Variants in SUCO observed in about 807,000 individuals in gnomAD.
The protein encoded by SUCO is SUN domain containing ossification factor, also known as SUN domain-containing ossification factor.
In SUCO, 57 loss-of-function variants were observed where a neutral mutation model predicts 148.1. The observed-to-expected ratio is 0.38, with a 90% CI of 0.31 to 0.48. SUCO has a LOEUF of 0.48. Ranked by LOEUF, SUCO falls within the 20% of genes least tolerant of loss-of-function variation. The pLI, the probability that SUCO is intolerant of heterozygous loss-of-function variation, is 0.96. For synonymous variants in SUCO, 470 were observed against 502.7 expected, an observed-to-expected ratio of 0.93 and a Z score of 0.87; for missense variants, 1,331 against 1,468.2, an observed-to-expected ratio of 0.91 and a Z score of 1.53.
At position 172,553,186 on chromosome 1, in the gene SUCO, C is replaced by A. The variant is rs1653436795; in HGVS notation, c.178-74C>A. 6 of 1,384,190 alleles carry A rather than the reference C, an allele frequency of 4.3e-6. No homozygotes were observed. In the African/African-American group the frequency reaches 4.4e-5, roughly 10 times the overall value. The allele number at this position is 1,384,190 out of a possible 1,614,324, so 85.7% of individuals were successfully genotyped here. On this transcript the variant is annotated intron_variant, in intron 2 of 23. Coordinates refer to ENST00000263688, the MANE Select transcript of SUCO (RefSeq NM_014283.5). ...TTTGGTTTTAAAGTATGGAAAAAAA[C>A]CATCTTCGTATTGCTTTATAACTGT...
intron 2 of SUCO, 84 bp from the exon 3 acceptor site, chr1:172,553,176 T>C: frequency 7.3e-7 from 1 of 1,375,114 alleles, no homozygotes. Flanking sequence ...TTTTAAAGTA[T>C]GGAAAAAAAC....
chr1:172,537,281 GAAA>G (rs897836786), intron 1 of SUCO, among the ~76,000 whole-genome samples: 1 of 151,870 alleles, frequency 6.6e-6, no homozygotes, highest in African/African-American at 2.4e-5. Context: ...AGAAAAATGA[GAAA>G]AAAATAATAA....
chr1:172,552,659 A>G, intron 2 of SUCO: 1 of 977,310 alleles, frequency 1.0e-6, no homozygotes, highest in Non-Finnish European at 1.2e-6. Context: ...CTCAAAAAAA[A>G]CTATAATTTT....
intron 1 of SUCO, among the ~76,000 whole-genome samples, chr1:172,535,159 A>G (rs919031500): frequency 3.9e-5 from 6 of 152,204 alleles, no homozygotes; most frequent in African/African-American, 1.4e-4. Flanking sequence ...TTTCCCTGTT[A>G]GGGAACAAAT....
upstream of SUCO, chr1:172,532,626 A>T (rs377079696): frequency 6.2e-7 from 1 of 1,614,052 alleles, no homozygotes; most frequent in African/African-American, 1.3e-5. Context: ...AAAAGAGGAA[A>T]ACAGTGCAAC....
At chr1:172,569,811 C>G (rs886771510) in intron 7 of SUCO, among the ~76,000 whole-genome samples, 1 of 152,050 alleles carries the variant, frequency 6.6e-6, no homozygotes, top group Non-Finnish European at 1.5e-5. Context: ...AGTTATGTTA[C>G]TTAGACATAA....
intron 6 of SUCO, among the ~76,000 whole-genome samples, chr1:172,561,793 C>T (rs1447097350): frequency 6.6e-6 from 1 of 152,192 alleles, no homozygotes; most frequent in Non-Finnish European, 1.5e-5. Context: ...CACAGGGTTC[C>T]CACCAAGGGA....
chr1:172,563,126 C>T (rs1361577594), intron 6 of SUCO, among the ~76,000 whole-genome samples: 1 of 152,170 alleles, frequency 6.6e-6, no homozygotes, highest in South Asian at 2.1e-4. Flanking sequence ...CTTCGTAAAA[C>T]ACCTAGTCTC....
chr1:172,552,651 C>CA (rs1242012260), intron 2 of SUCO: 49 of 976,042 alleles, frequency 5.0e-5, no homozygotes, highest in South Asian at 1.9e-4. Flanking sequence ...CCGCATATCT[C>CA]AAAAAAAACT....
chr1:172,603,777 C>T (rs922690275), intron 22 of SUCO, among the ~76,000 whole-genome samples: 1 of 152,012 alleles, frequency 6.6e-6, no homozygotes, highest in African/African-American at 2.4e-5. Flanking sequence ...CCCATCCTTT[C>T]CCAGAGTAGC....
chr1:172,568,700 C>T (rs906466390), intron 6 of SUCO, among the ~76,000 whole-genome samples: 1 of 152,060 alleles, frequency 6.6e-6, no homozygotes, highest in African/African-American at 2.4e-5. Context: ...GGCAAGTATA[C>T]AATTTATTCA....
intron 1 of SUCO, among the ~76,000 whole-genome samples, chr1:172,535,324 A>G (rs577844113): frequency 4.9e-4 from 74 of 152,376 alleles, no homozygotes; most frequent in African/African-American, 1.7e-3. Flanking sequence ...AGATTTGTTT[A>G]GACTGCCAAA....
At chr1:172,590,342 T>C in intron 18 of SUCO, 2 of 985,242 alleles carry the variant, frequency 2.0e-6, no homozygotes, top group Non-Finnish European at 2.4e-6. Context: ...AAGACAGAGA[T>C]GGACTGAACT....
intron 19 of SUCO, among the ~76,000 whole-genome samples, chr1:172,596,553 C>G (rs1657112568): frequency 1.3e-5 from 2 of 152,204 alleles, no homozygotes; most frequent in Non-Finnish European, 2.9e-5. Flanking sequence ...GAGGTCCACT[C>G]CAAACCCTGT....
At chr1:172,606,043 A>G (rs185797484) in intron 22 of SUCO, among the ~76,000 whole-genome samples, 1 of 151,592 alleles carries the variant, frequency 6.6e-6, no homozygotes, top group African/African-American at 2.4e-5. Flanking sequence ...TAATGTTACA[A>G]ACATGAATTA....
At chr1:172,571,433 C>G (rs1311726509) in intron 9 of SUCO, among the ~76,000 whole-genome samples, 2 of 152,042 alleles carry the variant, frequency 1.3e-5, no homozygotes, top group African/African-American at 2.4e-5. Flanking sequence ...CAGCCGCCTG[C>G]CTTGGCCTCC....
At chr1:172,606,772 A>G (rs1657893030) in intron 22 of SUCO, among the ~76,000 whole-genome samples, 1 of 151,780 alleles carries the variant, frequency 6.6e-6, no homozygotes, top group African/African-American at 2.4e-5. Context: ...ATTCTCAACC[A>G]TTATTTTTTC....
At chr1:172,607,472 G>A (rs1327990881) in intron 22 of SUCO, among the ~76,000 whole-genome samples, 2 of 151,564 alleles carry the variant, frequency 1.3e-5, no homozygotes, top group Non-Finnish European at 2.9e-5. Context: ...CTTTGGGTGG[G>A]CCCTAGGACC....
intron 1 of SUCO, among the ~76,000 whole-genome samples, chr1:172,545,604 C>T (rs1486538810): frequency 6.6e-6 from 1 of 152,054 alleles, no homozygotes; most frequent in Non-Finnish European, 1.5e-5. Flanking sequence ...ACTTCTGCCA[C>T]ACCATACTAG....
Sources: gnomAD v4.1 joint callset for allele counts (sites outside exome capture counted in the v4.1 genomes callset) on GRCh38, gnomAD v4.1.1 for gene constraint, MANE v1.5 for transcripts, NCBI Gene and HGNC (gene_info 2026-07-23, HGNC 2026-07-21) for gene names.